The following TBC1D14 variants were observed in gnomAD, a reference collection of about 807,000 sequenced individuals.
TBC1D14 encodes TBC1 domain family member 14.
TBC1D14 carries 26 observed loss-of-function variants against 79.0 expected under a neutral mutation model. The ratio of observed to expected loss-of-function variants is 0.33; its 90% confidence interval spans 0.24 to 0.46. The LOEUF is 0.46. Among genes scored for constraint, TBC1D14 ranks in the 20% least tolerant of loss-of-function variants. The pLI is 1.00. For synonymous variants in TBC1D14, 394 were observed against 349.9 expected, an observed-to-expected ratio of 1.13 and a Z score of -1.40; for missense variants, 769 against 887.6, an observed-to-expected ratio of 0.87 and a Z score of 1.70.
intron 11 of TBC1D14, 118 bp downstream of exon 11, chr4:7,010,899 T>G: frequency 7.9e-7 from 1 of 1,270,226 alleles, no homozygotes; most frequent in South Asian, 1.5e-5. Flanking sequence ...AAGAGATGTT[T>G]AGAGTAAGCA....
intron 2 of TBC1D14, among the ~76,000 whole-genome samples, chr4:6,934,624 C>G (rs1312803439): frequency 6.6e-6 from 1 of 151,262 alleles, no homozygotes; most frequent in South Asian, 2.1e-4. Flanking sequence ...CACCACTACA[C>G]TCCAGCATGG....
rs1046536692 is a variant in TBC1D14, at chr4:6,979,718, A to C, written c.843+12294A>C. 5.9e-5 allele frequency among the ~76,000 whole-genome samples: 9 copies of C among 152,326 alleles called. No homozygotes were observed. The Middle Eastern group carries it at 0.01, about 173-fold the overall frequency. ...TAGATTAAAATAAAAAGATAGAAAA[A>C]GATATACCATGAAAATACTAATCAA... On this transcript the variant is annotated intron_variant, in intron 3 of 13. Coordinates refer to ENST00000409757, the MANE Select transcript of TBC1D14 (RefSeq NM_020773.3).
At chr4:6,925,001 T>C (rs1724175353) in intron 2 of TBC1D14, among the ~76,000 whole-genome samples, 1 of 151,914 alleles carries the variant, frequency 6.6e-6, no homozygotes, top group African/African-American at 2.4e-5. Flanking sequence ...CGTGTAGAAT[T>C]GAGATCTGTG....
At chr4:6,959,120 T>C (rs9992596) in intron 2 of TBC1D14, among the ~76,000 whole-genome samples, 17,301 of 151,476 alleles carry the variant, frequency 0.11, 1,728 homozygotes, top group African/African-American at 0.28. Context: ...CTCCTGACCT[T>C]GTGATCCGCC....
chr4:6,923,223 G>A, intron 1 of TBC1D14, 150 bp from the exon 2 acceptor site: 1 of 913,618 alleles, frequency 1.1e-6, no homozygotes, highest in Non-Finnish European at 1.6e-6. Flanking sequence ...ACCACTTCTA[G>A]CTTCTGGACT....
intron 2 of TBC1D14, among the ~76,000 whole-genome samples, chr4:6,964,274 C>T (rs1340264041): frequency 3.9e-5 from 6 of 152,116 alleles, no homozygotes; most frequent in African/African-American, 1.4e-4. Flanking sequence ...AATCTGGGAG[C>T]CACTCACCCA....
chr4:7,009,847 G>A (rs1560344385), intron 9 of TBC1D14, 30 bp from the exon 10 acceptor site: 8 of 1,612,308 alleles, frequency 5.0e-6, no homozygotes, highest in Admixed American at 1.7e-5. Context: ...ACTCATGCAT[G>A]TGTTGTTTTT....
intron 7 of TBC1D14, among the ~76,000 whole-genome samples, chr4:7,003,496 T>C (rs929700336): frequency 1.3e-5 from 2 of 152,236 alleles, no homozygotes; most frequent in African/African-American, 4.8e-5. Context: ...TGGACACTGA[T>C]ACCATAATAG....
chr4:6,989,168 G>A (rs1344576391), intron 3 of TBC1D14, among the ~76,000 whole-genome samples: 2 of 152,114 alleles, frequency 1.3e-5, no homozygotes, highest in African/African-American at 4.8e-5. Context: ...CAGGAGCCTC[G>A]TGCCCTTCTT....
chr4:6,941,851 G>A (rs1029087746), intron 2 of TBC1D14, among the ~76,000 whole-genome samples: 6 of 152,180 alleles, frequency 3.9e-5, no homozygotes, highest in Non-Finnish European at 8.8e-5. Flanking sequence ...CCATCTTCCT[G>A]GAGGCTCCAG....
chr4:6,943,192 A>T (rs1713080767), intron 2 of TBC1D14, among the ~76,000 whole-genome samples: 1 of 152,114 alleles, frequency 6.6e-6, no homozygotes, highest in African/African-American at 2.4e-5. Flanking sequence ...AGCGGCACAC[A>T]CAACTCCACT....
intron 12 of TBC1D14, 45 bp from the exon 13 acceptor site, chr4:7,024,959 T>C (rs375758851): frequency 2.5e-6 from 4 of 1,606,600 alleles, no homozygotes; most frequent in Non-Finnish European, 3.4e-6. Flanking sequence ...CTTTCTTTGT[T>C]AGGAGAGATT....
intron 1 of TBC1D14, among the ~76,000 whole-genome samples, chr4:6,914,946 G>A (rs1223694524): frequency 6.6e-6 from 1 of 152,228 alleles, no homozygotes; most frequent in East Asian, 1.9e-4. Context: ...GGCTGAGGCA[G>A]GAGAATCGCT....
At chr4:6,913,666 T>G (rs1380684881) in intron 1 of TBC1D14, among the ~76,000 whole-genome samples, 1 of 152,232 alleles carries the variant, frequency 6.6e-6, no homozygotes, top group South Asian at 2.1e-4. Context: ...ATTATTTCTC[T>G]TATGAATAAT....
intron 2 of TBC1D14, among the ~76,000 whole-genome samples, chr4:6,952,295 GT>G (rs1239940133): frequency 1.3e-5 from 2 of 152,238 alleles, no homozygotes; most frequent in East Asian, 3.8e-4. Flanking sequence ...AGAAATTTGT[GT>G]TTCTAGCCAG....
At chr4:6,963,212 T>C (rs573135516) in intron 2 of TBC1D14, among the ~76,000 whole-genome samples, 1 of 152,244 alleles carries the variant, frequency 6.6e-6, no homozygotes, top group African/African-American at 2.4e-5. Flanking sequence ...TTTGAAATAG[T>C]GAAAAGAGGA....
intron 13 of TBC1D14, 46 bp from the exon 14 acceptor site, chr4:7,030,281 G>C: frequency 6.3e-7 from 1 of 1,592,460 alleles, no homozygotes; most frequent in Non-Finnish European, 8.6e-7. Context: ...GTCAGGATCT[G>C]TGTGCGTGGT....
chr4:6,988,278 T>C (rs182236372), intron 3 of TBC1D14, among the ~76,000 whole-genome samples: 9 of 152,360 alleles, frequency 5.9e-5, no homozygotes, highest in Admixed American at 5.9e-4. Context: ...GAGTGGAATG[T>C]TGTGAAGAGT....
intron 1 of TBC1D14, among the ~76,000 whole-genome samples, chr4:6,911,002 G>C (rs570420542): frequency 6.6e-6 from 1 of 152,264 alleles, no homozygotes; most frequent in East Asian, 1.9e-4. Flanking sequence ...GCACCTAGTT[G>C]CTGTCTTGCC....
Sources: gnomAD v4.1 joint callset for allele counts (sites outside exome capture counted in the v4.1 genomes callset) on GRCh38, gnomAD v4.1.1 for gene constraint, MANE v1.5 for transcripts, NCBI Gene and HGNC (gene_info 2026-07-23, HGNC 2026-07-21) for gene names.